INPP5A: variants seen among roughly 807,000 people sequenced by gnomAD.
INPP5A encodes the protein inositol polyphosphate-5-phosphatase A.
Under a neutral mutation model 65.2 loss-of-function variants are expected in INPP5A, and 14 were observed. That is an observed-to-expected ratio of 0.21 (90% CI 0.14 to 0.34). The LOEUF (loss-of-function observed/expected upper bound fraction) is 0.34. Ranked by LOEUF, INPP5A falls within the 10% of genes least tolerant of loss-of-function variation. The pLI, the probability that INPP5A is intolerant of heterozygous loss-of-function variation, is 1.00. For synonymous variants in INPP5A, 207 were observed against 208.3 expected (o/e 0.99, Z 0.05); for missense variants, 431 against 545.6 (o/e 0.79, Z 2.09).
intron 1 of INPP5A, among the ~76,000 whole-genome samples, chr10:132,584,697 TA>T (rs919686798): frequency 6.6e-6 from 1 of 152,034 alleles, no homozygotes; most frequent in Admixed American, 6.6e-5. Context: ...ATTTAAGAAC[TA>T]AAAAAAATTG....
At chr10:132,685,768 G>C (rs112291183) in intron 4 of INPP5A, among the ~76,000 whole-genome samples, 1 of 152,182 alleles carries the variant, frequency 6.6e-6, no homozygotes, top group African/African-American at 2.4e-5. Flanking sequence ...CTGCCGGGAC[G>C]CGTTGTTCTT....
At chr10:132,666,865 C>T (rs546793264) in intron 4 of INPP5A, among the ~76,000 whole-genome samples, 1 of 152,196 alleles carries the variant, frequency 6.6e-6, no homozygotes, top group Non-Finnish European at 1.5e-5. Flanking sequence ...AGAAAGATAT[C>T]TGTGCATTGA....
At chr10:132,602,843 G>A (rs897804189) in intron 1 of INPP5A, among the ~76,000 whole-genome samples, 1 of 152,088 alleles carries the variant, frequency 6.6e-6, no homozygotes, top group East Asian at 1.9e-4. Context: ...ATTCACTGTG[G>A]GTGGTAATCT....
At position 132,599,248 on chromosome 10, in the gene INPP5A, C is replaced by A. The variant is rs1252005774; in HGVS notation, c.76-8667C>A. On this transcript the variant is annotated intron_variant, in intron 1 of 15. Coordinates refer to ENST00000368594, the MANE Select transcript of INPP5A (RefSeq NM_005539.5). ...TGTAAAATCAAAAGCAAGCTAGTTA[C>A]TTCCTGGATACAATGGAGGTACAGG... is the stretch of plus-strand genomic sequence containing the variant. Among the ~76,000 whole-genome samples, 3 of 152,336 alleles carry A rather than the reference C, an allele frequency of 2.0e-5. No individual in the cohort carries two copies. In the East Asian group the frequency reaches 5.8e-4, roughly 29 times the overall value.
At chr10:132,588,650 C>T (rs2071577304) in intron 1 of INPP5A, among the ~76,000 whole-genome samples, 1 of 152,220 alleles carries the variant, frequency 6.6e-6, no homozygotes, top group African/African-American at 2.4e-5. Flanking sequence ...GCCTGTGCTG[C>T]GTCTACAGGG....
chr10:132,714,244 C>A (rs1229754044), intron 8 of INPP5A, among the ~76,000 whole-genome samples: 2 of 152,174 alleles, frequency 1.3e-5, no homozygotes, highest in African/African-American at 4.8e-5. Flanking sequence ...TCCTGCGGCG[C>A]GCTCAGCCAG....
intron 1 of INPP5A, among the ~76,000 whole-genome samples, chr10:132,579,208 T>G (rs1590843832): frequency 9.4e-5 from 12 of 127,986 alleles, no homozygotes; most frequent in South Asian, 5.2e-4. Context: ...GGAAGGAGAG[T>G]GTGGGGGGAG....
At chr10:132,744,475 C>T (rs375933916) in intron 9 of INPP5A, among the ~76,000 whole-genome samples, 2 of 152,248 alleles carry the variant, frequency 1.3e-5, no homozygotes, top group African/African-American at 4.8e-5. Flanking sequence ...AGCGGACATC[C>T]CGTTCATGGT....
chr10:132,718,314 T>C (rs1845783551), intron 8 of INPP5A, among the ~76,000 whole-genome samples: 1 of 151,150 alleles, frequency 6.6e-6, no homozygotes, highest in Non-Finnish European at 1.5e-5. Context: ...TCTTCAGGGT[T>C]CTGTGGTACC....
chr10:132,572,207 G>T (rs190671728), intron 1 of INPP5A, among the ~76,000 whole-genome samples: 81 of 152,370 alleles, frequency 5.3e-4, no homozygotes, highest in African/African-American at 1.8e-3. Context: ...AGGGACCATT[G>T]TGATACTCAG....
chr10:132,704,673 G>A lies in INPP5A; in HGVS notation c.475-3640G>A, dbSNP rs1457914637. On this transcript the variant is annotated intron_variant, in intron 6 of 15. Coordinates refer to ENST00000368594, the MANE Select transcript of INPP5A (RefSeq NM_005539.5). This position sits in a 1 kb window ranked among gnomAD's most constrained non-coding sequence, Gnocchi z 4.5. ...CCTGTGCGTGGCTGGGCCGTGGGGGGGCAGTGGCTGTTCCAGGTGGGCCGT... is the reference window on the plus strand; with the variant it reads ...CCTGTGCGTGGCTGGGCCGTGGGGGAGCAGTGGCTGTTCCAGGTGGGCCGT... 1.3e-5 allele frequency among the ~76,000 whole-genome samples: 2 copies of A among 152,116 alleles called. No homozygotes were observed. The highest frequency in any genetic ancestry group is 4.8e-5 in the African/African-American group (2 of 41,410).
intron 6 of INPP5A, among the ~76,000 whole-genome samples, chr10:132,699,759 C>T (rs576204635): frequency 4.0e-4 from 61 of 152,320 alleles, no homozygotes; most frequent in African/African-American, 1.3e-3. Flanking sequence ...AGGCTCCTGA[C>T]CCCTCCGTCT....
chr10:132,641,397 A>G (rs986358098), intron 2 of INPP5A, among the ~76,000 whole-genome samples: 1 of 152,246 alleles, frequency 6.6e-6, no homozygotes, highest in African/African-American at 2.4e-5. Context: ...GATGGAGTTT[A>G]TAATATGTGA....
At chr10:132,613,872 G>T (rs1030807472) in intron 2 of INPP5A, among the ~76,000 whole-genome samples, 3 of 152,226 alleles carry the variant, frequency 2.0e-5, no homozygotes, top group Admixed American at 6.5e-5. Flanking sequence ...GCCTCTGACT[G>T]TTTCGGGTGT....
chr10:132,576,260 A>T (rs1433065267), intron 1 of INPP5A, among the ~76,000 whole-genome samples: 1 of 152,184 alleles, frequency 6.6e-6, no homozygotes, highest in African/African-American at 2.4e-5. Context: ...TCCTGCCCCC[A>T]GGACAGCACT....
intron 11 of INPP5A, among the ~76,000 whole-genome samples, chr10:132,757,685 A>G (rs1199234753): frequency 6.6e-6 from 1 of 152,224 alleles, no homozygotes; most frequent in Non-Finnish European, 1.5e-5. Context: ...ACAGCGGAGC[A>G]GAGAGGCTGG....
chr10:132,714,363 GGC>G (rs1845703082), intron 8 of INPP5A, among the ~76,000 whole-genome samples: 1 of 152,166 alleles, frequency 6.6e-6, no homozygotes, highest in Non-Finnish European at 1.5e-5. Flanking sequence ...CTAACCTCTT[GGC>G]AGCCACCAGC....
intron 6 of INPP5A, among the ~76,000 whole-genome samples, chr10:132,703,011 G>A (rs1845461202): frequency 6.6e-6 from 1 of 151,296 alleles, no homozygotes; most frequent in South Asian, 2.1e-4. Flanking sequence ...CAGGCTCCCT[G>A]CCGAGCCCAC....
At chr10:132,756,520 T>C (rs1238926797) in intron 11 of INPP5A, among the ~76,000 whole-genome samples, 1 of 152,232 alleles carries the variant, frequency 6.6e-6, no homozygotes, top group East Asian at 1.9e-4. Context: ...AAGCTTCCTC[T>C]CGCTGTGTGA....
Sources: gnomAD v4.1 joint callset for allele counts (sites outside exome capture counted in the v4.1 genomes callset) on GRCh38, gnomAD v4.1.1 for gene constraint, Gnocchi (gnomAD v3.1) non-coding constraint, MANE v1.5 for transcripts, NCBI Gene and HGNC (gene_info 2026-07-23, HGNC 2026-07-21) for gene names.